DPF3: variants seen among roughly 807,000 people sequenced by gnomAD.
DPF3 encodes the protein double PHD fingers 3.
Under a neutral mutation model 56.8 loss-of-function variants are expected in DPF3, and 18 were observed. That is an observed-to-expected ratio of 0.32 (90% CI 0.22 to 0.47). The LOEUF (loss-of-function observed/expected upper bound fraction) is 0.47, where lower values mean the gene tolerates loss of function less well. Among genes scored for constraint, DPF3 ranks in the 20% least tolerant of loss-of-function variants. The probability of loss-of-function intolerance (pLI) is 1.00; values close to 1 mark genes in which losing one functional copy is unlikely to be tolerated. For missense variants in DPF3, 403 were observed against 488.8 expected, an observed-to-expected ratio of 0.82 and a Z score of 1.65; for synonymous variants, 188 against 180.2, an observed-to-expected ratio of 1.04 and a Z score of -0.35.
chr14:72,680,122 G>A (rs901485192), intron 7 of DPF3, among the ~76,000 whole-genome samples: 2 of 152,222 alleles, frequency 1.3e-5, no homozygotes, highest in African/African-American at 4.8e-5. Context: ...TGGCGTGATA[G>A]AGACTGTGGG....
At chr14:72,827,240 A>G (rs2140045011) in intron 1 of DPF3, among the ~76,000 whole-genome samples, 1 of 152,172 alleles carries the variant, frequency 6.6e-6, no homozygotes, top group African/African-American at 2.4e-5. Context: ...ACACAAGAGA[A>G]AGAAAACCAA....
intron 1 of DPF3, among the ~76,000 whole-genome samples, chr14:72,861,859 T>C (rs1885453447): frequency 6.6e-6 from 1 of 152,126 alleles, no homozygotes; most frequent in Non-Finnish European, 1.5e-5. Context: ...ATCACAATAA[T>C]GGAAATGGTG....
At chr14:72,790,144 T>C (rs1347630542) in intron 1 of DPF3, among the ~76,000 whole-genome samples, 2 of 152,096 alleles carry the variant, frequency 1.3e-5, no homozygotes, top group East Asian at 3.9e-4. Flanking sequence ...CCTAGCACTT[T>C]GGGAGGCCGA....
At position 72,674,303 on chromosome 14, in the gene DPF3, T is replaced by C; in HGVS notation, c.808A>G (p.Asn270Asp). The change falls in exon 8 of 11, where the codon AAC (asparagine) becomes GAC (aspartate). Residue 270 changes from asparagine to aspartate, a missense_variant. By Grantham distance (23) the Asn-to-Asp change is conservative. This residue lies in a region of DPF3 where 340 missense variants were observed against 374.3 expected (regional missense o/e 0.91). Transcript: ENST00000556509. ...GGCCGCCCACTCTTCTTGTTCATGTTGGAGCCCCCCAAGCAGAAGTCACAG... is the reference window on the plus strand; with the variant it reads ...GGCCGCCCACTCTTCTTGTTCATGTCGGAGCCCCCCAAGCAGAAGTCACAG... ...NYCDFCLGGS[N>D]MNKKSGRPEE... 6.2e-7 allele frequency: 1 copy of C among 1,612,620 alleles called. No homozygotes were observed. Among genetic ancestry groups the C allele is most frequent in the Non-Finnish European group, 8.5e-7 (1 of 1,179,470 alleles).
intron 1 of DPF3, chr14:72,774,005 C>T (rs1891653917): frequency 2.2e-6 from 1 of 453,822 alleles, no homozygotes; most frequent in African/African-American, 2.0e-5. Flanking sequence ...TGCTTTCAGG[C>T]TGGGCGCAGT....
chr14:72,619,073 T>G lies in DPF3; in HGVS notation c.*224A>C, dbSNP rs1390925753. Among the ~76,000 whole-genome samples the G allele has an allele frequency of 2.0e-5, 3 of 152,142 alleles. No homozygotes were observed. The highest frequency in any genetic ancestry group is 1.3e-4 in the Admixed American group (2 of 15,272). ...GGAGGTGTTCTCCCAAAGTGCAACTTCCTTCCGGTAGAGACAAGGAGGTGC... is the reference window on the plus strand; with the variant it reads ...GGAGGTGTTCTCCCAAAGTGCAACTGCCTTCCGGTAGAGACAAGGAGGTGC... On this transcript the variant is annotated 3_prime_UTR_variant, in exon 11 of 11. Coordinates refer to ENST00000556509, the MANE Select transcript of DPF3 (RefSeq NM_001280542.3).
In DPF3 at chr14:72,723,714, A is replaced by G; in HGVS notation, c.444T>C (p.Asn148=). 1 of 1,575,570 alleles carries G rather than the reference A, an allele frequency of 6.3e-7. No homozygotes were observed. The highest frequency in any genetic ancestry group is 8.6e-7 in the Non-Finnish European group (1 of 1,168,480). ...SIQEIQRVLE[N]DENVEEGNEE... is the part of the protein sequence containing the mutation. ...CATTCCCTTCTTCTACATTTTCATC[A>G]TTTTCCAAAACCCTCTGAAATGAAA... The change falls in exon 5 of 11, where the codon AAT becomes AAC. Residue 148 remains asparagine, a synonymous_variant. Transcript: ENST00000556509.
chr14:72,841,129 G>T (rs892504797), intron 1 of DPF3, among the ~76,000 whole-genome samples: 2 of 141,444 alleles, frequency 1.4e-5, no homozygotes, highest in Non-Finnish European at 3.0e-5. Flanking sequence ...TAATATTTTT[G>T]CTGTAATTCT....
chr14:72,666,516 G>A (rs540376977), intron 8 of DPF3, among the ~76,000 whole-genome samples: 21 of 152,268 alleles, frequency 1.4e-4, no homozygotes, highest in African/African-American at 4.8e-4. Context: ...ATCATTTACT[G>A]AGCCTGGAAC....
In DPF3 at chr14:72,714,519, T is replaced by C; in HGVS notation, c.526-18A>G. On this transcript the variant is annotated intron_variant, in intron 5 of 10. Coordinates refer to ENST00000556509, the MANE Select transcript of DPF3 (RefSeq NM_001280542.3). ...CCGCGAGCCTGGGGAGACATTGGGG[T>C]ACAGGATGCTTGTTACCATGGTCAT... is the stretch of plus-strand genomic sequence containing the variant. The C allele has an allele frequency of 6.2e-7, 1 of 1,613,260 alleles. No homozygotes were observed. The highest frequency in any genetic ancestry group is 8.5e-7 in the Non-Finnish European group (1 of 1,179,544).
intron 8 of DPF3, chr14:72,670,862 G>A: frequency 8.5e-7 from 1 of 1,180,484 alleles, no homozygotes; most frequent in Non-Finnish European, 1.1e-6. Context: ...CTATTTCTAT[G>A]GAAAATAAAT....
intron 8 of DPF3, among the ~76,000 whole-genome samples, chr14:72,667,592 A>T (rs527316954): frequency 6.6e-6 from 1 of 152,228 alleles, no homozygotes; most frequent in Non-Finnish European, 1.5e-5. Flanking sequence ...TTGACTGTTC[A>T]CACAGCTCCT....
At chr14:72,706,357 CAATT>C (rs765550036) in intron 6 of DPF3, among the ~76,000 whole-genome samples, 2 of 152,212 alleles carry the variant, frequency 1.3e-5, no homozygotes, top group South Asian at 2.1e-4. Context: ...ACTGTCCCCT[CAATT>C]AAATACCGCC....
chr14:72,632,132 T>G (rs978273894), intron 8 of DPF3, among the ~76,000 whole-genome samples: 2 of 152,172 alleles, frequency 1.3e-5, no homozygotes, highest in Admixed American at 1.3e-4. Context: ...TAAGAATCTG[T>G]TTTTTAAGTC....
chr14:72,659,672 G>A (rs960835623), intron 8 of DPF3, among the ~76,000 whole-genome samples: 7 of 152,190 alleles, frequency 4.6e-5, no homozygotes, highest in Admixed American at 6.5e-5. Flanking sequence ...AAATTAGAGG[G>A]TGCAATCGCT....
rs138114923 is a variant in DPF3 at position 72,775,296 on chromosome 14, T to C, written c.33-3403A>G. ...CTACTGGAGATGATCACTTTCAAAA[T>C]AAATTTCTGGAAACCAATACAAAAG... On this transcript the variant is annotated intron_variant, in intron 1 of 10. Coordinates refer to ENST00000556509, the MANE Select transcript of DPF3 (RefSeq NM_001280542.3). 5.8e-3 allele frequency among the ~76,000 whole-genome samples: 886 copies of C among 152,274 alleles called. 17 individuals carry two copies. Among genetic ancestry groups the C allele is most frequent in the African/African-American group, 0.02 (823 of 41,544 alleles).
At chr14:72,881,501 G>A (rs574214693) in intron 1 of DPF3, among the ~76,000 whole-genome samples, 8 of 152,088 alleles carry the variant, frequency 5.3e-5, no homozygotes, top group Non-Finnish European at 7.3e-5. Context: ...GGCCTTCTTC[G>A]GAATCCACCG....
chr14:72,839,768 C>T (rs975476688), intron 1 of DPF3, among the ~76,000 whole-genome samples: 1 of 152,218 alleles, frequency 6.6e-6, no homozygotes, highest in African/African-American at 2.4e-5. Flanking sequence ...ACAGGGAATG[C>T]TCACTCAGTG....
At chr14:72,621,714 G>C (rs188336342) in intron 9 of DPF3, among the ~76,000 whole-genome samples, 1 of 152,208 alleles carries the variant, frequency 6.6e-6, no homozygotes, top group Admixed American at 6.5e-5. Context: ...ATCCAGGTGC[G>C]TGATGATGGT....
Sources: allele counts gnomAD v4.1 joint callset (sites outside exome capture counted in the v4.1 genomes callset), GRCh38; gene constraint gnomAD v4.1.1; regional missense constraint gnomAD v4.1.1; transcripts MANE v1.5; gene names NCBI Gene and HGNC (gene_info 2026-07-23, HGNC 2026-07-21).